The following NRG4 variants were observed in gnomAD, a reference collection of about 807,000 sequenced individuals.
NRG4 encodes neuregulin 4.
In NRG4, 10 loss-of-function variants were observed where a neutral mutation model predicts 15.0. That is an observed-to-expected ratio of 0.67 (90% CI 0.41 to 1.13). NRG4 has a LOEUF of 1.13. NRG4 is among the 50% of genes most tolerant of loss of function. The pLI is 0.00. For synonymous variants in NRG4, 41 were observed against 50.1 expected (o/e 0.82, Z 0.77); for missense variants, 139 against 140.2 (o/e 0.99, Z 0.04).
Position 75,948,947 on chromosome 15 carries a change from A to G in NRG4, c.332-5293T>C, listed in dbSNP as rs186246434. On this transcript the variant is annotated intron_variant, in intron 5 of 5. Coordinates refer to ENST00000394907, the MANE Select transcript of NRG4 (RefSeq NM_138573.4). ...ACACCTGTAGTCTCAAATACTTGGAAGGCTGAGGCAAGAGGACTGCTTGAG... is the reference window on the plus strand; with the variant it reads ...ACACCTGTAGTCTCAAATACTTGGAGGGCTGAGGCAAGAGGACTGCTTGAG... Among the ~76,000 whole-genome samples, 123 of 152,276 alleles carry G rather than the reference A, an allele frequency of 8.1e-4. 1 individual carries two copies. In the South Asian group the frequency reaches 0.011, roughly 14 times the overall value.
chr15:76,032,404 A>G (rs1298789446), intron 5 of NRG4, among the ~76,000 whole-genome samples: 1 of 152,176 alleles, frequency 6.6e-6, no homozygotes, highest in African/African-American at 2.4e-5. Flanking sequence ...TTAATAAATA[A>G]CAGAATATTC....
chr15:76,054,810 T>C lies in NRG4; in HGVS notation c.-261-1827A>G, dbSNP rs144594520. Among the ~76,000 whole-genome samples, 65 of 152,264 alleles carry C rather than the reference T, an allele frequency of 4.3e-4. No individual in the cohort carries two copies. The East Asian group carries it at 0.011, about 25-fold the overall frequency. ...AAGTATTATAGTACAAAAAAGGAAA[T>C]TGTAATGAAATTAACATTTTCAAAA... On this transcript the variant is annotated intron_variant, in intron 2 of 8. Transcript: ENST00000563910.
At chr15:75,957,115 T>C (rs1246283203) in intron 4 of NRG4, among the ~76,000 whole-genome samples, 1 of 152,200 alleles carries the variant, frequency 6.6e-6, no homozygotes, top group Non-Finnish European at 1.5e-5. Context: ...TTTAAGCTTA[T>C]TTGCTATCAT....
intron 3 of NRG4, among the ~76,000 whole-genome samples, chr15:75,995,408 A>G (rs923657967): frequency 2.0e-5 from 3 of 152,028 alleles, no homozygotes; most frequent in African/African-American, 7.2e-5. Context: ...CTTTTAAACA[A>G]TCAGATCTCA....
chr15:76,020,106 C>T (rs1180155990), intron 5 of NRG4, among the ~76,000 whole-genome samples: 1 of 152,090 alleles, frequency 6.6e-6, no homozygotes, highest in East Asian at 1.9e-4. Context: ...TTTTGGGGCA[C>T]CATGAACCAT....
At chr15:76,044,822 C>G (rs2035831750) in intron 4 of NRG4, among the ~76,000 whole-genome samples, 1 of 137,024 alleles carries the variant, frequency 7.3e-6, no homozygotes, top group Non-Finnish European at 1.5e-5. Context: ...ACCTGGGCGA[C>G]AGAGCGAGAC....
chr15:75,982,361 T>C (rs2033640100), intron 3 of NRG4, among the ~76,000 whole-genome samples: 1 of 152,112 alleles, frequency 6.6e-6, no homozygotes. Context: ...CATGTAGATA[T>C]AGTTAAAGAG....
intron 3 of NRG4, among the ~76,000 whole-genome samples, chr15:75,964,242 G>C (rs2032678915): frequency 6.6e-6 from 1 of 152,082 alleles, no homozygotes. Context: ...AACACAGAAG[G>C]AAAGGGGCAG....
chr15:75,950,098 A>G (rs557696857), intron 5 of NRG4, among the ~76,000 whole-genome samples: 1 of 152,308 alleles, frequency 6.6e-6, no homozygotes, highest in African/African-American at 2.4e-5. Flanking sequence ...TTCCAAATCT[A>G]TGAACAAAAT....
intron 5 of NRG4, among the ~76,000 whole-genome samples, chr15:76,018,970 G>C (rs913886068): frequency 2.6e-5 from 4 of 152,028 alleles, no homozygotes; most frequent in Non-Finnish European, 5.9e-5. Flanking sequence ...GGAGATGGGG[G>C]TTTTATCCAT....
intron 3 of NRG4, among the ~76,000 whole-genome samples, chr15:75,988,856 T>TTC (rs2033899879): frequency 6.9e-6 from 1 of 144,822 alleles, no homozygotes; most frequent in Non-Finnish European, 1.5e-5. Context: ...CACCTTCCTT[T>TTC]TTTTTTTTTT....
chr15:76,055,512 G>C (rs867921352), intron 2 of NRG4, among the ~76,000 whole-genome samples: 1 of 152,146 alleles, frequency 6.6e-6, no homozygotes, highest in South Asian at 2.1e-4. Flanking sequence ...TTGCGAACAT[G>C]AACTGTGCCT....
In NRG4 at chr15:75,988,190, C is replaced by CT. The variant is rs571546336; in HGVS notation, c.104+21009dup. 2.6e-5 allele frequency among the ~76,000 whole-genome samples: 4 copies of CT among 152,098 alleles called. No individual in the cohort carries two copies. The South Asian group carries it at 8.3e-4, about 32-fold the overall frequency. On this transcript the variant is annotated intron_variant, in intron 3 of 5. Transcript: ENST00000394907. ...CAAAGAGGTTGACTGTTATACAACT[C>CT]TTTTTTTCTTTTTGAGACAGAGTCT...
At chr15:76,037,685 G>T (rs546284221) in intron 4 of NRG4, among the ~76,000 whole-genome samples, 3 of 152,104 alleles carry the variant, frequency 2.0e-5, no homozygotes, top group Non-Finnish European at 2.9e-5. Flanking sequence ...TACCGGTCAT[G>T]AGACTTACTG....
chr15:75,961,873 G>C lies in NRG4; in HGVS notation c.206C>G (p.Ala69Gly). The C allele has an allele frequency of 6.2e-7, 1 of 1,613,318 alleles. No individual in the cohort carries two copies. Among genetic ancestry groups the C allele is most frequent in the Non-Finnish European group, 8.5e-7 (1 of 1,179,328 alleles). The change falls in exon 4 of 6, where the codon GCG becomes GGG. Residue 69 changes from alanine (A) to glycine (G), a missense_variant. Physicochemically the swap from Ala to Gly is moderately conservative, Grantham distance 60 (BLOSUM62 0). Coordinates refer to ENST00000394907, the MANE Select transcript of NRG4 (RefSeq NM_138573.4). The part of the protein sequence containing the change: ...SNLFEAFVAL[A>G]VLVTLIIGAF... ...TCCAATGATAAGTGTTACTAGGACC[G>C]CCAATGCCACAAAAGCTTCAAACAG...
At chr15:75,975,999 T>C (rs2033348210) in intron 3 of NRG4, among the ~76,000 whole-genome samples, 1 of 152,206 alleles carries the variant, frequency 6.6e-6, no homozygotes, top group South Asian at 2.1e-4. Context: ...CAATCAAACA[T>C]AGGTTTGGTC....
At chr15:75,953,861 C>T (rs1231635699) in intron 5 of NRG4, among the ~76,000 whole-genome samples, 1 of 152,056 alleles carries the variant, frequency 6.6e-6, no homozygotes, top group East Asian at 1.9e-4. Context: ...TAATTTTGTT[C>T]TTTTTTGTAG....
At chr15:75,992,015 C>G (rs74024051) in intron 3 of NRG4, among the ~76,000 whole-genome samples, 6,037 of 152,206 alleles carry the variant, frequency 0.04, 217 homozygotes, top group African/African-American at 0.095. Context: ...TTAGCCAACT[C>G]TGCATTACAT....
At chr15:75,958,043 C>T (rs528384638) in intron 4 of NRG4, among the ~76,000 whole-genome samples, 8 of 152,090 alleles carry the variant, frequency 5.3e-5, no homozygotes, top group Admixed American at 3.9e-4. Context: ...GACAGAGTCT[C>T]GCTCTGTTGC....
Sources: allele counts gnomAD v4.1 joint callset (sites outside exome capture counted in the v4.1 genomes callset), GRCh38; gene constraint gnomAD v4.1.1; transcripts MANE v1.5; gene names NCBI Gene and HGNC (gene_info 2026-07-23, HGNC 2026-07-21).